Variants in SYT1 observed in about 807,000 individuals in gnomAD.
SYT1 encodes synaptotagmin 1, also known as synaptotagmin-1.
SYT1 carries 8 observed loss-of-function variants against 44.8 expected under a neutral mutation model. The observed-to-expected ratio is 0.18, with a 90% CI of 0.10 to 0.32. The LOEUF is 0.32. Ranked by LOEUF, SYT1 falls within the 10% of genes least tolerant of loss-of-function variation. The probability of loss-of-function intolerance (pLI) is 1.00; values close to 1 mark genes in which losing one functional copy is unlikely to be tolerated. For synonymous variants in SYT1, 154 were observed against 188.8 expected (o/e 0.82, Z 1.51); for missense variants, 286 against 509.3 (o/e 0.56, Z 4.22).
intron 3 of SYT1, among the ~76,000 whole-genome samples, chr12:79,142,478 G>A (rs139942569): frequency 1.6e-3 from 246 of 152,232 alleles, no homozygotes; most frequent in African/African-American, 5.6e-3. Context: ...ATAAAAAGAT[G>A]TAAAGAAAAA....
intron 1 of SYT1, among the ~76,000 whole-genome samples, chr12:78,911,577 C>A (rs9989010): frequency 0.76 from 114,788 of 150,314 alleles, 44,270 homozygotes; most frequent in African/African-American, 0.87. Flanking sequence ...AAAAAAAAAA[C>A]AGTCTCCTTT....
chr12:79,384,952 A>G (rs1241187682), intron 9 of SYT1, among the ~76,000 whole-genome samples: 1 of 150,264 alleles, frequency 6.7e-6, no homozygotes, highest in African/African-American at 2.4e-5. Context: ...CCACCAAGCA[A>G]TTTATAATAA....
chr12:79,417,358 C>T (rs1868806327), intron 9 of SYT1, among the ~76,000 whole-genome samples: 1 of 151,980 alleles, frequency 6.6e-6, no homozygotes, highest in Non-Finnish European at 1.5e-5. Flanking sequence ...GTAATATGCC[C>T]TGTTGCTCAT....
chr12:78,948,766 T>C (rs1452039156), intron 1 of SYT1, among the ~76,000 whole-genome samples: 1 of 151,816 alleles, frequency 6.6e-6, no homozygotes, highest in Non-Finnish European at 1.5e-5. Context: ...TTAAGTAGTA[T>C]CCATTTTCTT....
At chr12:79,397,596 A>T (rs1884921582) in intron 9 of SYT1, among the ~76,000 whole-genome samples, 1 of 152,196 alleles carries the variant, frequency 6.6e-6, no homozygotes. Context: ...GCTGTGTGGA[A>T]GTTGGCCTGA....
In SYT1 at chr12:79,429,302, G is replaced by A. The variant is rs370772649; in HGVS notation, c.929-14771G>A. ...GCTCACTGCAACCTCCACCTCCTAG[G>A]TTCAAGCGATTCTCCTGCCTCAGCC... On this transcript the variant is annotated intron_variant, in intron 9 of 10. Coordinates refer to ENST00000261205, the MANE Select transcript of SYT1 (RefSeq NM_005639.3). Among the ~76,000 whole-genome samples, 73 of 152,132 alleles carry A rather than the reference G, an allele frequency of 4.8e-4. 2 individuals are homozygous for A. Among genetic ancestry groups the A allele is most frequent in the African/African-American group, 1.7e-3 (72 of 41,510 alleles).
chr12:78,919,630 T>C (rs1460438129), intron 1 of SYT1, among the ~76,000 whole-genome samples: 1 of 152,072 alleles, frequency 6.6e-6, no homozygotes, highest in Non-Finnish European at 1.5e-5. Flanking sequence ...GGGACTTGCA[T>C]GTATATTTAC....
intron 1 of SYT1, among the ~76,000 whole-genome samples, chr12:78,893,791 G>A (rs948786048): frequency 2.2e-4 from 33 of 151,712 alleles, no homozygotes; most frequent in Admixed American, 5.9e-4. Context: ...TAAATTAGAA[G>A]TGAGTTTAAT....
intron 3 of SYT1, among the ~76,000 whole-genome samples, chr12:79,111,897 T>C (rs1879033129): frequency 6.6e-6 from 1 of 152,042 alleles, no homozygotes; most frequent in Non-Finnish European, 1.5e-5. Context: ...CACCGAAGTG[T>C]TTACATTCCA....
At chr12:79,167,875 C>A (rs1871306289) in intron 3 of SYT1, among the ~76,000 whole-genome samples, 1 of 152,094 alleles carries the variant, frequency 6.6e-6, no homozygotes, top group Non-Finnish European at 1.5e-5. Context: ...GTCAGGTCAT[C>A]AGGCATTAGA....
intron 1 of SYT1, among the ~76,000 whole-genome samples, chr12:78,882,589 G>A (rs962695661): frequency 6.6e-6 from 1 of 151,732 alleles, no homozygotes; most frequent in South Asian, 2.1e-4. Context: ...ACTCTGCGTG[G>A]TAGAGAGATT....
chr12:78,891,527 T>C (rs1332667722), intron 1 of SYT1, among the ~76,000 whole-genome samples: 1 of 151,880 alleles, frequency 6.6e-6, no homozygotes, highest in African/African-American at 2.4e-5. Context: ...CTGGAACAAA[T>C]TTGTCAAGAT....
chr12:79,083,917 A>T (rs960902480), intron 3 of SYT1, among the ~76,000 whole-genome samples: 38 of 152,134 alleles, frequency 2.5e-4, no homozygotes, highest in African/African-American at 8.7e-4. Flanking sequence ...TTTGTATTTC[A>T]TAAAATCAAA....
At chr12:79,394,101 T>C (rs1467691513) in intron 9 of SYT1, among the ~76,000 whole-genome samples, 2 of 152,242 alleles carry the variant, frequency 1.3e-5, no homozygotes, top group African/African-American at 4.8e-5. Flanking sequence ...AAAGACATAA[T>C]ATGTCATTTG....
intron 1 of SYT1, among the ~76,000 whole-genome samples, chr12:78,879,458 T>C (rs760900551): frequency 6.6e-6 from 1 of 151,766 alleles, no homozygotes; most frequent in Non-Finnish European, 1.5e-5. Context: ...GAAAGACATC[T>C]CAAACTCACC....
At chr12:79,300,964 A>T (rs1047022701) in intron 8 of SYT1, among the ~76,000 whole-genome samples, 2 of 151,536 alleles carry the variant, frequency 1.3e-5, no homozygotes, top group African/African-American at 4.8e-5. Flanking sequence ...GTTCTTTCCT[A>T]TAAGTGAACT....
intron 8 of SYT1, among the ~76,000 whole-genome samples, chr12:79,329,705 G>A (rs1180477530): frequency 6.6e-6 from 1 of 152,088 alleles, no homozygotes; most frequent in African/African-American, 2.4e-5. Context: ...CTAGTAAGTG[G>A]CAAGCCAGAG....
intron 1 of SYT1, among the ~76,000 whole-genome samples, chr12:78,972,538 A>AATAT (rs1254279670): frequency 7.3e-6 from 1 of 136,124 alleles, no homozygotes; most frequent in African/African-American, 2.8e-5. Context: ...GCAAAAAAAA[A>AATAT]ATATATATAT....
At chr12:79,184,568 A>AT (rs1350414109) in intron 3 of SYT1, among the ~76,000 whole-genome samples, 1 of 151,952 alleles carries the variant, frequency 6.6e-6, no homozygotes, top group African/African-American at 2.4e-5. Context: ...CATTACAAAG[A>AT]TTTTTGCCAT....
Sources: gnomAD v4.1 joint callset for allele counts (sites outside exome capture counted in the v4.1 genomes callset) on GRCh38, gnomAD v4.1.1 for gene constraint, MANE v1.5 for transcripts, NCBI Gene and HGNC (gene_info 2026-07-23, HGNC 2026-07-21) for gene names.